Variants in ZMIZ1 observed in about 807,000 individuals in gnomAD.
ZMIZ1 encodes zinc finger MIZ domain-containing protein 1.
In ZMIZ1, 17 loss-of-function variants were observed where a neutral mutation model predicts 113.9. The observed-to-expected ratio is 0.15, with a 90% CI of 0.10 to 0.22. The LOEUF is 0.22. ZMIZ1 is among the 10% of genes least tolerant of loss of function. The pLI is 1.00. For synonymous variants in ZMIZ1, 607 were observed against 603.1 expected (o/e 1.01, Z -0.09); for missense variants, 1,059 against 1,477.8 (o/e 0.72, Z 4.65).
chr10:79,203,896 C>T (rs574529157), intron 5 of ZMIZ1, among the ~76,000 whole-genome samples: 50 of 152,364 alleles, frequency 3.3e-4, no homozygotes, highest in African/African-American at 1.2e-3. Context: ...CACACACATG[C>T]GTGCACACAC....
intron 4 of ZMIZ1, among the ~76,000 whole-genome samples, chr10:79,178,570 G>A (rs1171621672): frequency 6.6e-6 from 1 of 152,172 alleles, no homozygotes; most frequent in East Asian, 1.9e-4. Flanking sequence ...TGACATCCTT[G>A]GTGGCCCTGA....
intron 2 of ZMIZ1, among the ~76,000 whole-genome samples, chr10:79,124,746 G>A (rs762995203): frequency 2.6e-5 from 4 of 152,204 alleles, no homozygotes; most frequent in Non-Finnish European, 5.9e-5. Context: ...TATACAGAGT[G>A]GAAGAGTAGG....
intron 8 of ZMIZ1, among the ~76,000 whole-genome samples, chr10:79,278,043 G>C (rs1250538): frequency 6.6e-6 from 1 of 152,094 alleles, no homozygotes. Flanking sequence ...TCATTATCCA[G>C]CCTGACTGAG....
chr10:79,252,821 G>A (rs1041553662), intron 7 of ZMIZ1, among the ~76,000 whole-genome samples: 5 of 152,200 alleles, frequency 3.3e-5, no homozygotes, highest in Non-Finnish European at 4.4e-5. Context: ...ACACTGCACC[G>A]TCAGTACAGC....
chr10:79,220,065 A>G (rs1212072777), intron 7 of ZMIZ1, among the ~76,000 whole-genome samples: 2 of 152,172 alleles, frequency 1.3e-5, no homozygotes, highest in Non-Finnish European at 2.9e-5. Flanking sequence ...TGGGGAGCAG[A>G]GCTGGGACCC....
intron 8 of ZMIZ1, among the ~76,000 whole-genome samples, chr10:79,282,058 A>G (rs918633039): frequency 6.6e-6 from 1 of 152,174 alleles, no homozygotes. Context: ...TGGTTAGGCA[A>G]TTGAAAGTTA....
At chr10:79,164,209 C>T (rs762787691) in intron 4 of ZMIZ1, among the ~76,000 whole-genome samples, 9 of 152,210 alleles carry the variant, frequency 5.9e-5, no homozygotes, top group South Asian at 2.1e-4. Context: ...ACAGCGGCAG[C>T]GTGGGGCTCC....
At chr10:79,207,123 A>G (rs971526829) in intron 5 of ZMIZ1, among the ~76,000 whole-genome samples, 1 of 152,162 alleles carries the variant, frequency 6.6e-6, no homozygotes, top group African/African-American at 2.4e-5. Context: ...TCCCCTGCCA[A>G]TTCTGGGCCC....
chr10:79,312,321 C>T (rs549267880), intron 24 of ZMIZ1, among the ~76,000 whole-genome samples: 26 of 152,378 alleles, frequency 1.7e-4, no homozygotes, highest in African/African-American at 6.3e-4. Flanking sequence ...CCCAAGTGAC[C>T]TGCCATGGGG....
rs766895778 is a variant in ZMIZ1 at position 79,306,091 on chromosome 10, C to T, written c.2424-9C>T. 12 of 1,608,620 alleles carry T rather than the reference C, an allele frequency of 7.5e-6. No individual in the cohort carries two copies. The highest frequency in any genetic ancestry group is 9.3e-6 in the Non-Finnish European group (11 of 1,177,076). Reference sequence around the variant, plus strand: ...CGGAGCCTCAGCTCTGCCACCCTTCCTCCCCCAGCTCCGAGTTTGAAGAGG... The same window carrying T: ...CGGAGCCTCAGCTCTGCCACCCTTCTTCCCCCAGCTCCGAGTTTGAAGAGG... On this transcript the variant is annotated splice_polypyrimidine_tract_variant and intron_variant, in intron 21 of 24. Coordinates refer to ENST00000334512, the MANE Select transcript of ZMIZ1 (RefSeq NM_020338.4).
Position 79,296,860 on chromosome 10 carries a change from G to A in ZMIZ1, c.1413+207G>A, listed in dbSNP as rs1034624069. ...CTTTTCTCAGTTCCTATTCTCATTC[G>A]TCTCGGATGATGGTTTTTTTTTCTC... On this transcript the variant is annotated intron_variant, in intron 13 of 24. Transcript: ENST00000334512. The surrounding 1 kb of genome is among the most constrained non-coding windows in gnomAD (Gnocchi z 4.1). The A allele has an allele frequency of 2.9e-5, 12 of 417,422 alleles. No individual in the cohort carries two copies. The South Asian group carries it at 6.7e-4, about 23-fold the overall frequency. 25.9% of individuals were successfully genotyped at this position (417,422 alleles called of 1,614,324 possible). A position where few individuals can be genotyped will look rare whatever the true frequency, so the allele number is the denominator to read the frequency against.
intron 7 of ZMIZ1, among the ~76,000 whole-genome samples, chr10:79,218,251 A>C (rs1282459810): frequency 6.6e-6 from 1 of 152,224 alleles, no homozygotes; most frequent in African/African-American, 2.4e-5. Flanking sequence ...AGGCAGGTGG[A>C]TCACTTGAGT....
intron 1 of ZMIZ1, among the ~76,000 whole-genome samples, chr10:79,092,174 G>A (rs1124441): frequency 0.27 from 40,827 of 152,078 alleles, 6,026 homozygotes; most frequent in Non-Finnish European, 0.33. Context: ...GGGAGATTCT[G>A]CAACTCCACC....
In ZMIZ1 at chr10:79,305,823, A is replaced by G. The variant is rs370939047; in HGVS notation, c.2423+222A>G. On this transcript the variant is annotated intron_variant, in intron 21 of 24. Transcript: ENST00000334512. ...AAGCCAGCCACAGCAGGAGGCTGACAGTGCCCCGCCCCGACCCTCCACCTG... is the reference window on the plus strand; with the variant it reads ...AAGCCAGCCACAGCAGGAGGCTGACGGTGCCCCGCCCCGACCCTCCACCTG... Among the ~76,000 whole-genome samples, 70 of 152,270 alleles carry G rather than the reference A, an allele frequency of 4.6e-4. No homozygotes were observed. In the East Asian group the frequency reaches 0.012, roughly 27 times the overall value.
Position 79,296,981 on chromosome 10 carries a change from T to A in ZMIZ1, c.1413+328T>A. ...TATATATTAACATTTCATTCTAAAC[T>A]TTGTATGTGCAGGTGGGCACTAACA... On this transcript the variant is annotated intron_variant, in intron 13 of 24. Transcript: ENST00000334512. This position sits in a 1 kb window ranked among gnomAD's most constrained non-coding sequence, Gnocchi z 4.1. 1 of 233,044 alleles carries A rather than the reference T, an allele frequency of 4.3e-6. No homozygotes were observed. The highest frequency in any genetic ancestry group is 1.4e-3 in the Middle Eastern group (1 of 726). The allele number at this position is 233,044 out of a possible 1,614,324, so 14.4% of individuals were successfully genotyped here.
intron 4 of ZMIZ1, among the ~76,000 whole-genome samples, chr10:79,171,694 G>T (rs907516795): frequency 3.3e-5 from 5 of 152,202 alleles, no homozygotes; most frequent in Admixed American, 6.5e-5. Context: ...AAAAGAGGAG[G>T]AGTCCTTGGG....
chr10:79,088,154 G>A (rs1312493431), intron 1 of ZMIZ1, among the ~76,000 whole-genome samples: 1 of 152,234 alleles, frequency 6.6e-6, no homozygotes, highest in Non-Finnish European at 1.5e-5. Context: ...GAGATGGCTG[G>A]GCCATGCCAG....
In ZMIZ1 at chr10:79,167,334, T is replaced by G. The variant is rs891939525; in HGVS notation, c.-50+5201T>G. 1.1e-4 allele frequency among the ~76,000 whole-genome samples: 16 copies of G among 152,350 alleles called. No individual in the cohort carries two copies. In the East Asian group the frequency reaches 3.1e-3, roughly 29 times the overall value. The stretch of plus-strand genomic sequence containing the variant: ...TACTAAGTCTTTGAAATCCAGTCAT[T>G]GCAGTCTCCACTGTTAGCTGTATTG... On this transcript the variant is annotated intron_variant, in intron 4 of 24. Transcript: ENST00000334512.
chr10:79,094,208 C>T (rs1000353484), intron 1 of ZMIZ1, among the ~76,000 whole-genome samples: 6 of 152,150 alleles, frequency 3.9e-5, no homozygotes, highest in African/African-American at 1.4e-4. Flanking sequence ...ACAAGCGAGC[C>T]GGGTGAGTCC....
Sources: gnomAD v4.1 joint callset for allele counts (sites outside exome capture counted in the v4.1 genomes callset) on GRCh38, gnomAD v4.1.1 for gene constraint, Gnocchi (gnomAD v3.1) non-coding constraint, MANE v1.5 for transcripts, NCBI Gene and HGNC (gene_info 2026-07-23, HGNC 2026-07-21) for gene names.